CSNK2A2IP: variants seen among roughly 807,000 people sequenced by gnomAD.
The protein encoded by CSNK2A2IP is casein kinase II subunit alpha'-interacting protein.
the CSNK2A2IP span, among the ~76,000 whole-genome samples, chr3:88,434,556 G>C: frequency 6.6e-6 from 1 of 151,964 alleles, no homozygotes; most frequent in Admixed American, 6.6e-5. Context: ...TAAATTCCTA[G>C]GCCTCGACCA....
the CSNK2A2IP span, among the ~76,000 whole-genome samples, chr3:88,412,852 T>G: frequency 1.3e-5 from 2 of 152,000 alleles, no homozygotes; most frequent in African/African-American, 2.4e-5. Flanking sequence ...AAAGATACAG[T>G]AAAAATACAG....
the CSNK2A2IP span, among the ~76,000 whole-genome samples, chr3:88,435,255 T>C: frequency 6.6e-6 from 1 of 152,150 alleles, no homozygotes; most frequent in African/African-American, 2.4e-5. Context: ...ACTCCCTGGG[T>C]TGGAAGTTGA....
the CSNK2A2IP span, among the ~76,000 whole-genome samples, chr3:88,370,613 T>TCTC: frequency 8.5e-4 from 51 of 59,684 alleles, no homozygotes; most frequent in African/African-American, 1.9e-3. Context: ...TCTCTCTCTC[T>TCTC]TTCTTTCTTT....
the CSNK2A2IP span, among the ~76,000 whole-genome samples, chr3:88,348,363 T>C: frequency 6.6e-6 from 1 of 152,038 alleles, no homozygotes; most frequent in Non-Finnish European, 1.5e-5. Context: ...CTTTATGTAA[T>C]AATGGGTCAG....
the CSNK2A2IP span, among the ~76,000 whole-genome samples, chr3:88,415,261 TG>T: frequency 3.3e-5 from 5 of 152,020 alleles, no homozygotes; most frequent in Non-Finnish European, 7.4e-5. Flanking sequence ...AAATAGAATA[TG>T]ATTTTTATTT....
chr3:88,346,183 T>C, the CSNK2A2IP span, among the ~76,000 whole-genome samples: 8 of 152,008 alleles, frequency 5.3e-5, no homozygotes, highest in African/African-American at 1.9e-4. Flanking sequence ...AGAAGAAAAG[T>C]TTAAAGCTAG....
chr3:88,407,709 A>AATTTATTT, the CSNK2A2IP span, among the ~76,000 whole-genome samples: 12 of 133,610 alleles, frequency 9.0e-5, no homozygotes, highest in African/African-American at 3.0e-4. Flanking sequence ...AATAGTGTGC[A>AATTTATTT]ATCTATTTAT....
At chr3:88,417,316 G>A in the CSNK2A2IP span, among the ~76,000 whole-genome samples, 1 of 152,062 alleles carries the variant, frequency 6.6e-6, no homozygotes, top group African/African-American at 2.4e-5. Context: ...CTTTCCTCAT[G>A]TTTATCTGGA....
the CSNK2A2IP span, among the ~76,000 whole-genome samples, chr3:88,370,586 C>CTCTT: frequency 0.17 from 23,215 of 140,154 alleles, 2,033 homozygotes; most frequent in East Asian, 0.19. Flanking sequence ...CTTTCTCTCT[C>CTCTT]TCTTTCTTTC....
chr3:88,466,832 G>A, the CSNK2A2IP span: 1 of 984,754 alleles, frequency 1.0e-6, no homozygotes, highest in South Asian at 5.2e-5. Flanking sequence ...CATCTTAGAG[G>A]AAAGAAAAAT....
chr3:88,443,725 C>T, the CSNK2A2IP span, among the ~76,000 whole-genome samples: 4 of 152,076 alleles, frequency 2.6e-5, no homozygotes, highest in Non-Finnish European at 4.4e-5. Context: ...ACAAAGATGT[C>T]ATTAATGTTA....
the CSNK2A2IP span, among the ~76,000 whole-genome samples, chr3:88,339,296 A>T: frequency 6.6e-6 from 1 of 151,734 alleles, no homozygotes; most frequent in East Asian, 1.9e-4. Context: ...TATTTGTGTG[A>T]TAATATCTTT....
the CSNK2A2IP span, among the ~76,000 whole-genome samples, chr3:88,454,806 A>T: frequency 4.0e-5 from 6 of 151,872 alleles, no homozygotes. Flanking sequence ...GTGAGAACAC[A>T]TCAGAAATAC....
chr3:88,404,907 A>G, the CSNK2A2IP span, among the ~76,000 whole-genome samples: 2 of 152,104 alleles, frequency 1.3e-5, no homozygotes, highest in East Asian at 3.9e-4. Context: ...GAACCTTGCT[A>G]AGTCAGTTTA....
chr3:88,442,852 T>C, the CSNK2A2IP span, among the ~76,000 whole-genome samples: 154 of 152,060 alleles, frequency 1.0e-3, no homozygotes, highest in African/African-American at 3.4e-3. Context: ...TTTTGTTATG[T>C]CCCTTAATAT....
At chr3:88,461,171 A>T in the CSNK2A2IP span, among the ~76,000 whole-genome samples, 13 of 152,202 alleles carry the variant, frequency 8.5e-5, no homozygotes, top group Non-Finnish European at 1.5e-4. Context: ...GTAATTACTG[A>T]AGAACTATAT....
the CSNK2A2IP span, among the ~76,000 whole-genome samples, chr3:88,432,326 C>T: frequency 1.3e-5 from 2 of 151,672 alleles, no homozygotes; most frequent in Non-Finnish European, 2.9e-5. Context: ...ATCTATTTTA[C>T]TCAAAAATAG....
At chr3:88,424,602 T>C in the CSNK2A2IP span, among the ~76,000 whole-genome samples, 1 of 152,150 alleles carries the variant, frequency 6.6e-6, no homozygotes, top group Non-Finnish European at 1.5e-5. Flanking sequence ...GTCATCAGCT[T>C]TTACATGGAA....
At chr3:88,419,871 T>C in the CSNK2A2IP span, among the ~76,000 whole-genome samples, 1 of 152,196 alleles carries the variant, frequency 6.6e-6, no homozygotes, top group Non-Finnish European at 1.5e-5. Context: ...AAGCCAGTCC[T>C]TTGAAAGTCT....
Sources: allele counts gnomAD v4.1 joint callset (sites outside exome capture counted in the v4.1 genomes callset), GRCh38; gene constraint gnomAD v4.1.1; transcripts MANE v1.5; gene names NCBI Gene and HGNC (gene_info 2026-07-23, HGNC 2026-07-21).